Variants in CACNA2D3 observed in about 807,000 individuals in gnomAD.
CACNA2D3 encodes the protein calcium voltage-gated channel auxiliary subunit alpha2delta 3.
CACNA2D3 carries 60 observed loss-of-function variants against 160.6 expected under a neutral mutation model. The ratio of observed to expected loss-of-function variants is 0.37; its 90% CI spans 0.30 to 0.46. CACNA2D3 has a LOEUF of 0.46. Among genes scored for constraint, CACNA2D3 ranks in the 20% least tolerant of loss-of-function variants. The pLI is 1.00. For synonymous variants in CACNA2D3, 558 were observed against 492.9 expected (o/e 1.13, Z -1.75); for missense variants, 1,205 against 1,365.0 (o/e 0.88, Z 1.85).
At position 55,074,246 on chromosome 3, in the gene CACNA2D3, T is replaced by C; in HGVS notation, c.*40T>C. 6.7e-7 allele frequency: 1 copy of C among 1,501,420 alleles called. No individual in the cohort carries two copies. The highest frequency in any genetic ancestry group is 9.3e-7 in the Non-Finnish European group (1 of 1,076,562). The allele number at this position is 1,501,420 out of a possible 1,614,324, so 93.0% of individuals were successfully genotyped here. A position where few individuals can be genotyped will look rare whatever the true frequency, so the allele number is the denominator to read the frequency against. The stretch of plus-strand genomic sequence containing the variant: ...TTCTCTTACTGACTGAGATGTTCTC[T>C]TGGCATGCTAAATCATGGATAAACT... On this transcript the variant is annotated 3_prime_UTR_variant, in exon 38 of 38. Transcript: ENST00000474759.
At chr3:54,350,114 C>A (rs1042570556) in intron 3 of CACNA2D3, among the ~76,000 whole-genome samples, 1 of 152,170 alleles carries the variant, frequency 6.6e-6, no homozygotes, top group African/African-American at 2.4e-5. Flanking sequence ...TTTCCTTCCC[C>A]CTTCCAGTTG....
chr3:54,826,327 G>A (rs1006023363), intron 14 of CACNA2D3, among the ~76,000 whole-genome samples: 1 of 152,124 alleles, frequency 6.6e-6, no homozygotes, highest in African/African-American at 2.4e-5. Flanking sequence ...TGACCCTCTG[G>A]GGTAAACTGG....
intron 3 of CACNA2D3, among the ~76,000 whole-genome samples, chr3:54,336,710 C>T (rs1704388149): frequency 6.6e-6 from 1 of 152,076 alleles, no homozygotes; most frequent in Non-Finnish European, 1.5e-5. Context: ...TCCCTAGAAC[C>T]CATCATTAGG....
At chr3:55,037,345 T>C (rs150601516) in intron 35 of CACNA2D3, among the ~76,000 whole-genome samples, 2 of 152,262 alleles carry the variant, frequency 1.3e-5, no homozygotes, top group African/African-American at 4.8e-5. Context: ...CAGCTTAAAG[T>C]TGAACTTATG....
At chr3:54,586,770 G>C (rs562545020) in intron 9 of CACNA2D3, among the ~76,000 whole-genome samples, 2 of 152,042 alleles carry the variant, frequency 1.3e-5, no homozygotes, top group Non-Finnish European at 2.9e-5. Flanking sequence ...AAAACATCCT[G>C]GGTCATAGTA....
chr3:54,555,792 T>C (rs1370915475), intron 5 of CACNA2D3, among the ~76,000 whole-genome samples: 2 of 152,182 alleles, frequency 1.3e-5, no homozygotes, highest in Non-Finnish European at 2.9e-5. Flanking sequence ...GATAGGAATA[T>C]TGGAGAAAAT....
chr3:54,580,626 C>T (rs565347264), intron 8 of CACNA2D3, among the ~76,000 whole-genome samples: 13 of 152,304 alleles, frequency 8.5e-5, no homozygotes, highest in African/African-American at 3.1e-4. Flanking sequence ...CCTCAGGCAC[C>T]TACTGTGGGT....
intron 4 of CACNA2D3, among the ~76,000 whole-genome samples, chr3:54,502,223 A>T (rs1701306085): frequency 6.6e-6 from 1 of 152,160 alleles, no homozygotes; most frequent in African/African-American, 2.4e-5. Flanking sequence ...CAAATATTTC[A>T]GTTTCCATTC....
At chr3:54,301,177 A>G (rs1377123171) in intron 2 of CACNA2D3, among the ~76,000 whole-genome samples, 3 of 152,090 alleles carry the variant, frequency 2.0e-5, no homozygotes, top group African/African-American at 7.2e-5. Flanking sequence ...GGCCCACTTG[A>G]GCCCAGGAGT....
chr3:55,021,654 TA>T (rs1703454325), intron 35 of CACNA2D3, among the ~76,000 whole-genome samples: 1 of 127,574 alleles, frequency 7.8e-6, no homozygotes, highest in African/African-American at 3.0e-5. Context: ...TGTGTATATA[TA>T]TATGTGTGTG....
chr3:54,262,408 A>G (rs941151801), intron 2 of CACNA2D3, among the ~76,000 whole-genome samples: 1 of 152,206 alleles, frequency 6.6e-6, no homozygotes, highest in Non-Finnish European at 1.5e-5. Flanking sequence ...TGGACCCACA[A>G]GAGGGAAGCT....
intron 5 of CACNA2D3, among the ~76,000 whole-genome samples, chr3:54,520,305 G>A (rs1169844350): frequency 6.6e-6 from 1 of 152,202 alleles, no homozygotes; most frequent in Non-Finnish European, 1.5e-5. Context: ...AGGGAAGAGT[G>A]TCTTGGCCCA....
chr3:54,294,053 G>A (rs1158106589), intron 2 of CACNA2D3, among the ~76,000 whole-genome samples: 1 of 152,152 alleles, frequency 6.6e-6, no homozygotes, highest in Non-Finnish European at 1.5e-5. Context: ...TTACGTTAAA[G>A]CTGATCCCAT....
At chr3:54,300,450 C>G (rs927879086) in intron 2 of CACNA2D3, among the ~76,000 whole-genome samples, 4 of 152,234 alleles carry the variant, frequency 2.6e-5, no homozygotes, top group East Asian at 1.9e-4. Flanking sequence ...TTCTAATGCT[C>G]TATAGCTTCT....
At chr3:54,563,066 G>T in intron 6 of CACNA2D3, 135 bp downstream of exon 6, 1 of 813,320 alleles carries the variant, frequency 1.2e-6, no homozygotes, top group East Asian at 3.3e-5. Flanking sequence ...CAAACCTATT[G>T]TCAGGGTGCA....
At chr3:55,009,539 T>G (rs539618146) in intron 34 of CACNA2D3, 96 bp downstream of exon 34, 3 of 1,150,382 alleles carry the variant, frequency 2.6e-6, no homozygotes, top group Non-Finnish European at 3.9e-6. Context: ...CACAGAAAAT[T>G]CCCCAGGACA....
chr3:54,462,478 A>G (rs1700525500), intron 4 of CACNA2D3, among the ~76,000 whole-genome samples: 1 of 152,172 alleles, frequency 6.6e-6, no homozygotes, highest in Non-Finnish European at 1.5e-5. Flanking sequence ...GGGCATATAT[A>G]TTTAGGATAG....
At chr3:54,489,229 C>A (rs1701067974) in intron 4 of CACNA2D3, among the ~76,000 whole-genome samples, 2 of 152,120 alleles carry the variant, frequency 1.3e-5, no homozygotes, top group South Asian at 2.1e-4. Flanking sequence ...ATGGCCCACT[C>A]AGGTTGGTAT....
In CACNA2D3 at chr3:54,615,817, G is replaced by A. The variant is rs139217833; in HGVS notation, c.964-11970G>A. 1.9e-3 allele frequency among the ~76,000 whole-genome samples: 296 copies of A among 152,310 alleles called. 1 individual carries two copies. The highest frequency in any genetic ancestry group is 6.8e-3 in the African/African-American group (284 of 41,564). On this transcript the variant is annotated intron_variant, in intron 9 of 37. Transcript: ENST00000474759. ...GGTCTGTTAGGAACCAGGCTGCACA[G>A]CAGGAGGTAAGTAGCGGGTGAGTGA... is the stretch of plus-strand genomic sequence containing the variant.
Sources: allele counts gnomAD v4.1 joint callset (sites outside exome capture counted in the v4.1 genomes callset), GRCh38; gene constraint gnomAD v4.1.1; transcripts MANE v1.5; gene names NCBI Gene and HGNC (gene_info 2026-07-23, HGNC 2026-07-21).